Variants in TYW1B observed in about 807,000 individuals in gnomAD.
TYW1B encodes the protein S-adenosyl-L-methionine-dependent tRNA 4-demethylwyosine synthase TYW1B.
A neutral mutation model predicts 86.9 loss-of-function variants in TYW1B; 73 were observed. The ratio of observed to expected loss-of-function variants is 0.84; its 90% confidence interval spans 0.70 to 1.02. The LOEUF (loss-of-function observed/expected upper bound fraction) is 1.02, where lower values mean the gene tolerates loss of function less well. TYW1B is among the 50% of genes least tolerant of loss of function. TYW1B has a pLI of 0.00. For synonymous variants in TYW1B, 248 were observed against 292.8 expected (o/e 0.85, Z 1.56); for missense variants, 637 against 827.4 (o/e 0.77, Z 2.82).
chr7:72,765,432 T>C (rs1217283354), intron 7 of TYW1B, among the ~76,000 whole-genome samples: 1 of 152,160 alleles, frequency 6.6e-6, no homozygotes, highest in Non-Finnish European at 1.5e-5. Context: ...TTGGTCACAG[T>C]TCTCCAGCTG....
At chr7:72,630,970 A>AT (rs1156249691) in intron 11 of TYW1B, among the ~76,000 whole-genome samples, 3 of 152,148 alleles carry the variant, frequency 2.0e-5, no homozygotes, top group African/African-American at 7.2e-5. Flanking sequence ...AAACAATTCA[A>AT]TATTAGGCTA....
At chr7:72,716,037 T>G (rs1563069608) in intron 9 of TYW1B, among the ~76,000 whole-genome samples, 1 of 152,174 alleles carries the variant, frequency 6.6e-6, no homozygotes, top group East Asian at 1.9e-4. Context: ...TTCAAGCCAT[T>G]CTCCTGCCTC....
At chr7:72,612,053 CTCTT>C (rs1249135527) in intron 13 of TYW1B, among the ~76,000 whole-genome samples, 1 of 152,108 alleles carries the variant, frequency 6.6e-6, no homozygotes, top group Non-Finnish European at 1.5e-5. Flanking sequence ...TTCTCTCTCT[CTCTT>C]TCTTTCTCGA....
rs1266468267 is a variant in TYW1B, at chr7:72,582,074, GA to G, written c.1786-6356del. Among the ~76,000 whole-genome samples the G allele has an allele frequency of 5.2e-4, 58 of 111,198 alleles. 1 individual carries two copies. Among genetic ancestry groups the G allele is most frequent in the Middle Eastern group, 4.2e-3 (1 of 236 alleles). The allele number at this position is 111,198 out of a possible 152,430, so 73.0% of individuals were successfully genotyped here. On this transcript the variant is annotated intron_variant, in intron 13 of 13. Transcript: ENST00000620995. Reference sequence around the variant, plus strand: ...GTGAGCCACTGCACCTGGCAAAAAAGATTTTTTTTTTTTTTTAATATTAAAG... The same window carrying G: ...GTGAGCCACTGCACCTGGCAAAAAAGTTTTTTTTTTTTTTTAATATTAAAG...
At chr7:72,733,199 C>CACACACACA (rs60290034) in intron 8 of TYW1B, among the ~76,000 whole-genome samples, 2 of 139,804 alleles carry the variant, frequency 1.4e-5, no homozygotes, top group South Asian at 2.3e-4. Context: ...CACACACACA[C>CACACACACA]CTCTCACACT....
intron 11 of TYW1B, among the ~76,000 whole-genome samples, chr7:72,690,090 T>C (rs1554450062): frequency 1.3e-5 from 2 of 152,214 alleles, no homozygotes; most frequent in African/African-American, 2.4e-5. Context: ...ATGCAAGAAA[T>C]TATGTTGGTC....
chr7:72,667,768 G>GGTCA (rs1387138592), intron 11 of TYW1B, among the ~76,000 whole-genome samples: 16 of 152,138 alleles, frequency 1.1e-4, no homozygotes, highest in African/African-American at 3.9e-4. Context: ...AACACAAAGA[G>GGTCA]GTGACCTGTA....
chr7:72,807,174 G>A lies in TYW1B; in HGVS notation c.615C>T (p.Ser205=). The change falls in exon 5 of 14, where the codon TCC becomes TCT. Residue 205 remains serine (S), a synonymous_variant. Transcript: ENST00000620995. The part of the protein sequence containing the change: ...QALQKGERKK[S]CGGHCKKGKC... ...TGCCTTTCTTGCAGTGGCCGCCACA[G>A]GACTTCTTTCTCTCCCCTTTCTGAA... 9 of 1,613,944 alleles carry A rather than the reference G, an allele frequency of 5.6e-6. No individual in the cohort carries two copies. The highest frequency in any genetic ancestry group is 7.6e-6 in the Non-Finnish European group (9 of 1,179,944).
intron 9 of TYW1B, among the ~76,000 whole-genome samples, chr7:72,714,188 G>A (rs1786731898): frequency 6.6e-6 from 1 of 152,012 alleles, no homozygotes; most frequent in African/African-American, 2.4e-5. Context: ...ATCCTGAACT[G>A]GGAAAGTAAA....
At chr7:72,655,546 C>T (rs2129569320) in intron 11 of TYW1B, among the ~76,000 whole-genome samples, 1 of 152,236 alleles carries the variant, frequency 6.6e-6, no homozygotes, top group Admixed American at 6.5e-5. Flanking sequence ...CAACGCCAGC[C>T]AGACCCAGTG....
intron 3 of TYW1B, among the ~76,000 whole-genome samples, chr7:72,812,125 T>G (rs1406511594): frequency 2.2e-5 from 3 of 133,658 alleles, no homozygotes. Context: ...GGAAGTGTTT[T>G]GGATTTTAGA....
rs1228349878 is a variant in TYW1B, at chr7:72,828,117, G to A, written c.-42C>T. 29 of 1,612,826 alleles carry A rather than the reference G, an allele frequency of 1.8e-5. No individual in the cohort carries two copies. In the Middle Eastern group the frequency reaches 6.6e-4, roughly 37 times the overall value. On this transcript the variant is annotated 5_prime_UTR_variant, in exon 1 of 14. Transcript: ENST00000620995. ...AGGAGACTAGGATCTCGGACCTGGAGAGCCCAAAGGTTCGCACTGGTACTG... is the reference window on the plus strand; with the variant it reads ...AGGAGACTAGGATCTCGGACCTGGAAAGCCCAAAGGTTCGCACTGGTACTG...
intron 11 of TYW1B, among the ~76,000 whole-genome samples, chr7:72,630,132 A>G (rs782271981): frequency 3.3e-5 from 5 of 151,968 alleles, no homozygotes; most frequent in Non-Finnish European, 7.4e-5. Flanking sequence ...TACAAAAATG[A>G]GCCAGGCGTG....
chr7:72,694,658 A>G lies in TYW1B; in HGVS notation c.1506+29T>C, dbSNP rs782775881. 8.8e-6 allele frequency: 14 copies of G among 1,585,546 alleles called. No individual in the cohort carries two copies. The East Asian group carries it at 1.6e-4, about 18-fold the overall frequency. ...TTCAGTACACACCTGAGGGTTGTTTATTTATTTTTAAGATGTCATAATTCT... is the reference window on the plus strand; with the variant it reads ...TTCAGTACACACCTGAGGGTTGTTTGTTTATTTTTAAGATGTCATAATTCT... On this transcript the variant is annotated intron_variant, in intron 11 of 13. Transcript: ENST00000620995.
At chr7:72,673,269 A>G (rs1375914994) in intron 11 of TYW1B, among the ~76,000 whole-genome samples, 5 of 152,254 alleles carry the variant, frequency 3.3e-5, no homozygotes, top group African/African-American at 4.8e-5. Context: ...TCAGATCAGT[A>G]TATCGAACAC....
intron 7 of TYW1B, among the ~76,000 whole-genome samples, chr7:72,773,617 A>C (rs1787903055): frequency 6.6e-6 from 1 of 152,236 alleles, no homozygotes; most frequent in Non-Finnish European, 1.5e-5. Flanking sequence ...AGACTCCAAG[A>C]GTCTACAGCG....
chr7:72,674,283 G>A (rs1453481522), intron 11 of TYW1B, among the ~76,000 whole-genome samples: 2 of 152,094 alleles, frequency 1.3e-5, no homozygotes, highest in African/African-American at 4.8e-5. Context: ...GGTACCCTAG[G>A]ATCAAGAGGA....
intron 13 of TYW1B, among the ~76,000 whole-genome samples, chr7:72,604,961 C>T (rs1436838484): frequency 1.3e-5 from 2 of 152,170 alleles, no homozygotes; most frequent in Non-Finnish European, 2.9e-5. Flanking sequence ...GTGGTCTTTG[C>T]CATTGAGTCA....
At chr7:72,667,031 C>CAAAAAAA (rs60691255) in intron 11 of TYW1B, among the ~76,000 whole-genome samples, 3,161 of 42,328 alleles carry the variant, frequency 0.075, 785 homozygotes, top group African/African-American at 0.21. Context: ...GACTCCGTCT[C>CAAAAAAA]AAAAAAAAAA....
Sources: gnomAD v4.1 joint callset for allele counts (sites outside exome capture counted in the v4.1 genomes callset) on GRCh38, gnomAD v4.1.1 for gene constraint, MANE v1.5 for transcripts, NCBI Gene and HGNC (gene_info 2026-07-23, HGNC 2026-07-21) for gene names.